Variants in SEC24A observed in about 807,000 individuals in gnomAD.
SEC24A encodes SEC24 homolog A, COPII component.
Under a neutral mutation model 129.4 loss-of-function variants are expected in SEC24A, and 93 were observed. The ratio of observed to expected loss-of-function variants is 0.72; its 90% confidence interval spans 0.61 to 0.85. The LOEUF is 0.85. Among genes scored for constraint, SEC24A ranks in the 40% least tolerant of loss-of-function variants. The probability of loss-of-function intolerance (pLI) is 0.00; values close to 1 mark genes in which losing one functional copy is unlikely to be tolerated. For synonymous variants in SEC24A, 460 were observed against 467.3 expected (o/e 0.98, Z 0.20); for missense variants, 1,264 against 1,307.4 (o/e 0.97, Z 0.51).
rs1181234003 is a variant in SEC24A, at chr5:134,649,137, G to A, written c.61G>A (p.Gly21Arg). 1 of 1,609,672 alleles carries A rather than the reference G, an allele frequency of 6.2e-7. No individual in the cohort carries two copies. Among genetic ancestry groups the A allele is most frequent in the Admixed American group, 1.7e-5 (1 of 59,530 alleles). The stretch of plus-strand genomic sequence containing the variant: ...CCCAGCCAGCCTCCAGGCCCAGAAC[G>A]GAGCCGCCTTGGCCTCGGGGTCTCC... ...GAPASLQAQN[G>R]AALASGSPYT... Residue 21 changes from glycine to arginine, a missense_variant, in exon 1 of 23, where the codon GGA becomes AGA. Physicochemically the swap from Gly to Arg is moderately radical, Grantham distance 125. Coordinates refer to ENST00000398844, the MANE Select transcript of SEC24A (RefSeq NM_021982.3).
chr5:134,707,575 C>T (rs1163145767), intron 17 of SEC24A, among the ~76,000 whole-genome samples: 1 of 152,066 alleles, frequency 6.6e-6, no homozygotes, highest in African/African-American at 2.4e-5. Flanking sequence ...GTGATCCACC[C>T]GCCTCGGCCT....
chr5:134,719,381 CAAA>C (rs34242727), intron 20 of SEC24A, among the ~76,000 whole-genome samples: 12 of 61,466 alleles, frequency 2.0e-4, no homozygotes, highest in Non-Finnish European at 2.0e-4. Flanking sequence ...TACCTAGTCT[CAAA>C]AAAAAAAAAA....
intron 13 of SEC24A, among the ~76,000 whole-genome samples, chr5:134,695,199 G>C (rs1751781789): frequency 6.6e-6 from 1 of 152,094 alleles, no homozygotes; most frequent in African/African-American, 2.4e-5. Flanking sequence ...GTGAGACCCT[G>C]TCCCTACAAA....
chr5:134,666,628 G>T (rs1750670112), intron 2 of SEC24A, among the ~76,000 whole-genome samples, 195 bp from the exon 3 acceptor site: 1 of 151,550 alleles, frequency 6.6e-6, no homozygotes, highest in Non-Finnish European at 1.5e-5. Flanking sequence ...AGGGAGAGAA[G>T]GAAGAGAGAG....
At position 134,689,727 on chromosome 5, in the gene SEC24A, G is replaced by A. The variant is rs573458170; in HGVS notation, c.1723+1428G>A. On this transcript the variant is annotated intron_variant, in intron 11 of 22. Transcript: ENST00000398844. ...TGCAGCAAGCCGAGATCGTGCCACC[G>A]CACTCCAGCCTGGACGACAGAGTGA... Among the ~76,000 whole-genome samples the A allele has an allele frequency of 2.1e-4, 31 of 150,028 alleles. 1 individual carries two copies. The South Asian group carries it at 4.6e-3, about 22-fold the overall frequency.
At position 134,680,356 on chromosome 5, in the gene SEC24A, G is replaced by A. The variant is rs137982254; in HGVS notation, c.1381+628G>A. 1.4e-3 allele frequency among the ~76,000 whole-genome samples: 214 copies of A among 152,150 alleles called. 1 individual carries two copies. Among genetic ancestry groups the A allele is most frequent in the African/African-American group, 4.1e-3 (170 of 41,536 alleles). ...TTGTTTTTGTTTTTGTTTTTGAGAT[G>A]GAGTCTCACTCTGTTGCCCAGGCTT... On this transcript the variant is annotated intron_variant, in intron 8 of 22. Coordinates refer to ENST00000398844, the MANE Select transcript of SEC24A (RefSeq NM_021982.3).
Position 134,666,861 on chromosome 5 carries a change from A to G in SEC24A, c.604A>G (p.Thr202Ala). 2 of 1,614,024 alleles carry G rather than the reference A, an allele frequency of 1.2e-6. No homozygotes were observed. Among genetic ancestry groups the G allele is most frequent in the Non-Finnish European group, 8.5e-7 (1 of 1,179,966 alleles). Residue 202 changes from threonine (T) to alanine (A), a missense_variant, in exon 3 of 23, where the codon ACA becomes GCA. Transcript: ENST00000398844. ...VPPLVNPPLP[T>A]TFQPGAPHGP... is the part of the protein sequence containing the mutation. Reference sequence around the variant, plus strand: ...TCCCTTAGTGAATCCACCTCTGCCTACAACTTTTCAACCAGGAGCTCCTCA... The same window carrying G: ...TCCCTTAGTGAATCCACCTCTGCCTGCAACTTTTCAACCAGGAGCTCCTCA...
chr5:134,714,623 C>T (rs537390967), intron 18 of SEC24A, among the ~76,000 whole-genome samples: 108 of 152,338 alleles, frequency 7.1e-4, no homozygotes, highest in African/African-American at 2.1e-3. Context: ...GGACCACTGA[C>T]GTAATGGATA....
At chr5:134,722,106 G>C (rs1302402690) in intron 21 of SEC24A, among the ~76,000 whole-genome samples, 1 of 152,138 alleles carries the variant, frequency 6.6e-6, no homozygotes, top group Admixed American at 6.6e-5. Context: ...TATGCCCAAG[G>C]GGTACCTGCT....
At chr5:134,658,272 A>G (rs965250813) in intron 1 of SEC24A, among the ~76,000 whole-genome samples, 13 of 152,170 alleles carry the variant, frequency 8.5e-5, no homozygotes, top group African/African-American at 2.4e-4. Flanking sequence ...CTCTGTCTCA[A>G]AAAAAAATCA....
intron 1 of SEC24A, among the ~76,000 whole-genome samples, chr5:134,649,786 C>G (rs1409195054): frequency 6.6e-6 from 1 of 152,206 alleles, no homozygotes; most frequent in Admixed American, 6.6e-5. Flanking sequence ...GGACACAACT[C>G]TCTGAATCTC....
chr5:134,670,969 A>G (rs952415704), intron 3 of SEC24A, among the ~76,000 whole-genome samples: 1 of 152,040 alleles, frequency 6.6e-6, no homozygotes, highest in East Asian at 1.9e-4. Flanking sequence ...AGCCTGGGCA[A>G]CAGAGTGAGA....
chr5:134,666,278 G>C (rs892716052), intron 2 of SEC24A, among the ~76,000 whole-genome samples: 1 of 147,540 alleles, frequency 6.8e-6, no homozygotes, highest in Admixed American at 6.8e-5. Context: ...AATATGGTCC[G>C]GGCACAGTGG....
intron 19 of SEC24A, among the ~76,000 whole-genome samples, chr5:134,717,157 G>C (rs1752500080): frequency 6.6e-6 from 1 of 152,026 alleles, no homozygotes; most frequent in South Asian, 2.1e-4. Flanking sequence ...GGAATTACAG[G>C]CGTGAGCCAC....
chr5:134,680,956 G>A lies in SEC24A; in HGVS notation c.1381+1228G>A, dbSNP rs540512289. The stretch of plus-strand genomic sequence containing the variant: ...TTTACTAAAAATACAATAATTAGCC[G>A]GGTGTGGTGGCGGGCACCTATAATC... On this transcript the variant is annotated intron_variant, in intron 8 of 22. Transcript: ENST00000398844. Among the ~76,000 whole-genome samples the A allele has an allele frequency of 3.1e-3, 477 of 151,918 alleles. 3 individuals carry two copies. Among genetic ancestry groups the A allele is most frequent in the African/African-American group, 0.011 (445 of 41,438 alleles).
At chr5:134,662,934 G>A (rs534598276) in intron 2 of SEC24A, among the ~76,000 whole-genome samples, 59 of 152,178 alleles carry the variant, frequency 3.9e-4, no homozygotes, top group African/African-American at 1.4e-3. Context: ...GGCAATTGAG[G>A]CTGCAGTGAG....
intron 2 of SEC24A, among the ~76,000 whole-genome samples, chr5:134,663,050 C>G (rs1451070671): frequency 6.6e-6 from 1 of 152,042 alleles, no homozygotes; most frequent in Non-Finnish European, 1.5e-5. Flanking sequence ...TTTCCAGGCT[C>G]TATCAAACTT....
intron 4 of SEC24A, among the ~76,000 whole-genome samples, chr5:134,672,829 G>A (rs1750915243): frequency 6.6e-6 from 1 of 151,466 alleles, no homozygotes; most frequent in African/African-American, 2.4e-5. Flanking sequence ...TCAAACTCCT[G>A]GGCTCGTGCG....
chr5:134,661,057 T>G, intron 1 of SEC24A, 62 bp from the exon 2 acceptor site: 1 of 1,173,110 alleles, frequency 8.5e-7, no homozygotes, highest in African/African-American at 1.5e-5. Context: ...ATGTTTTACT[T>G]TATTTCTTAA....
Sources: allele counts gnomAD v4.1 joint callset (sites outside exome capture counted in the v4.1 genomes callset), GRCh38; gene constraint gnomAD v4.1.1; transcripts MANE v1.5; gene names NCBI Gene and HGNC (gene_info 2026-07-23, HGNC 2026-07-21).